Variants in CARMIL1 observed in about 807,000 individuals in gnomAD.
CARMIL1 encodes F-actin-uncapping protein LRRC16A.
Under a neutral mutation model 177.1 loss-of-function variants are expected in CARMIL1, and 90 were observed. The ratio of observed to expected loss-of-function variants is 0.51; its 90% CI spans 0.43 to 0.61. CARMIL1 has a LOEUF of 0.61. Ranked by LOEUF, CARMIL1 falls within the 20% of genes least tolerant of loss-of-function variation. CARMIL1 has a pLI of 0.00. For synonymous variants in CARMIL1, 577 were observed against 606.2 expected, an observed-to-expected ratio of 0.95 and a Z score of 0.71; for missense variants, 1,380 against 1,667.0, an observed-to-expected ratio of 0.83 and a Z score of 3.00.
intron 2 of CARMIL1, among the ~76,000 whole-genome samples, chr6:25,296,942 A>T (rs377307854): frequency 0.017 from 915 of 52,636 alleles, 14 homozygotes; most frequent in African/African-American, 0.056. Flanking sequence ...TCTTTAACTA[A>T]CTAACTAACT....
chr6:25,515,981 G>A lies in CARMIL1; in HGVS notation c.1805+134G>A. The A allele has an allele frequency of 1.2e-6, 1 of 844,932 alleles. No individual in the cohort carries two copies. Among genetic ancestry groups the A allele is most frequent in the East Asian group, 2.8e-5 (1 of 36,276 alleles). The allele number at this position is 844,932 out of a possible 1,614,324, so 52.3% of individuals were successfully genotyped here. Reference sequence around the variant, plus strand: ...CATCTTGAGGAGAAGAGGTGACAATGTCAAGATTTCTGTCAGAATAATGAG... The same window carrying A: ...CATCTTGAGGAGAAGAGGTGACAATATCAAGATTTCTGTCAGAATAATGAG... On this transcript the variant is annotated intron_variant, in intron 21 of 36. Transcript: ENST00000329474. This position sits in a 1 kb window ranked among gnomAD's most constrained non-coding sequence, Gnocchi z 5.0.
rs72830714 is a variant in CARMIL1 at position 25,344,708 on chromosome 6, C to T, written c.138+59799C>T. On this transcript the variant is annotated intron_variant, in intron 2 of 36. Coordinates refer to ENST00000329474, the MANE Select transcript of CARMIL1 (RefSeq NM_017640.6). ...GGTTGTTTCCTTTTTCACCAGAAAC[C>T]CCAGAAATAATCAGTAGAGACTGCC... 1.6e-3 allele frequency among the ~76,000 whole-genome samples: 244 copies of T among 152,142 alleles called. 1 individual carries two copies. The highest frequency in any genetic ancestry group is 2.4e-3 in the Non-Finnish European group (160 of 68,024).
chr6:25,561,013 GATTA>G (rs1419740376), intron 29 of CARMIL1, among the ~76,000 whole-genome samples: 1 of 152,150 alleles, frequency 6.6e-6, no homozygotes, highest in Non-Finnish European at 1.5e-5. Context: ...TGGTGACAAT[GATTA>G]ATTAGTTTTC....
intron 4 of CARMIL1, among the ~76,000 whole-genome samples, chr6:25,429,479 A>G (rs757630770): frequency 5.3e-5 from 8 of 152,180 alleles, no homozygotes; most frequent in African/African-American, 1.4e-4. Context: ...GAACTTGGCA[A>G]TTGTTCTGGT....
chr6:25,288,253 A>T (rs1781674141), intron 2 of CARMIL1, among the ~76,000 whole-genome samples: 1 of 152,224 alleles, frequency 6.6e-6, no homozygotes, highest in South Asian at 2.1e-4. Context: ...TTAGAGAAAC[A>T]TACTAAGGTA....
chr6:25,279,711 T>C lies in CARMIL1; in HGVS notation c.-85T>C. 1 of 1,346,250 alleles carries C rather than the reference T, an allele frequency of 7.4e-7. No homozygotes were observed. Among genetic ancestry groups the C allele is most frequent in the Non-Finnish European group, 1.1e-6 (1 of 936,180 alleles). The allele number at this position is 1,346,250 out of a possible 1,614,324, so 83.4% of individuals were successfully genotyped here. On this transcript the variant is annotated 5_prime_UTR_variant, in exon 1 of 37. Transcript: ENST00000329474. ...CATTTGCAAGCTGCATCTGCCTCTC[T>C]AAAAAAATTGAGGAGTTCGGGGAAG...
chr6:25,376,014 A>G (rs566969693), intron 2 of CARMIL1, among the ~76,000 whole-genome samples: 17 of 152,292 alleles, frequency 1.1e-4, no homozygotes, highest in African/African-American at 4.1e-4. Context: ...GTTTGGATCC[A>G]TTGCAGAAGA....
At chr6:25,455,369 C>T (rs920583696) in intron 8 of CARMIL1, among the ~76,000 whole-genome samples, 5 of 152,108 alleles carry the variant, frequency 3.3e-5, no homozygotes, top group Admixed American at 1.3e-4. Flanking sequence ...TGTAACAGTC[C>T]TTAAAACCAT....
At chr6:25,396,123 G>A (rs2150559965) in intron 2 of CARMIL1, among the ~76,000 whole-genome samples, 1 of 151,874 alleles carries the variant, frequency 6.6e-6, no homozygotes, top group African/African-American at 2.4e-5. Flanking sequence ...AGCACTACCT[G>A]GAGGGCTTGC....
At position 25,361,014 on chromosome 6, in the gene CARMIL1, G is replaced by A. The variant is rs935938157; in HGVS notation, c.139-59100G>A. 5.3e-5 allele frequency among the ~76,000 whole-genome samples: 8 copies of A among 152,038 alleles called. No homozygotes were observed. The East Asian group carries it at 1.5e-3, about 29-fold the overall frequency. On this transcript the variant is annotated intron_variant, in intron 2 of 36. Coordinates refer to ENST00000329474, the MANE Select transcript of CARMIL1 (RefSeq NM_017640.6). ...CCTAAAAATGCCTGAGTGTGCTTTG[G>A]GGGTGTGCTTGGTGAGTATGCTTTC...
In CARMIL1 at chr6:25,538,068, C is replaced by A. The variant is rs1808487318; in HGVS notation, c.2196+85C>A. 10 of 1,413,178 alleles carry A rather than the reference C, an allele frequency of 7.1e-6. No individual in the cohort carries two copies. The South Asian group carries it at 9.8e-5, about 14-fold the overall frequency. The allele number at this position is 1,413,178 out of a possible 1,614,324, so 87.5% of individuals were successfully genotyped here. On this transcript the variant is annotated intron_variant, in intron 25 of 36. Coordinates refer to ENST00000329474, the MANE Select transcript of CARMIL1 (RefSeq NM_017640.6). ...AGTTTTAGAAACCAGTTTCAACTTTCTCTCTCTACCCAATTCCAAGTTTAC... is the reference window on the plus strand; with the variant it reads ...AGTTTTAGAAACCAGTTTCAACTTTATCTCTCTACCCAATTCCAAGTTTAC...
intron 23 of CARMIL1, among the ~76,000 whole-genome samples, chr6:25,526,322 G>A (rs1177696940): frequency 2.6e-5 from 4 of 151,120 alleles, no homozygotes; most frequent in Admixed American, 2.0e-4. Context: ...CAGCCTGGGC[G>A]ACAGCACAAG....
At chr6:25,616,144 CTT>C (rs1316627774) in intron 36 of CARMIL1, among the ~76,000 whole-genome samples, 1 of 152,168 alleles carries the variant, frequency 6.6e-6, no homozygotes, top group African/African-American at 2.4e-5. Flanking sequence ...TTAACAAATA[CTT>C]GCATTGAAGA....
intron 23 of CARMIL1, among the ~76,000 whole-genome samples, chr6:25,521,935 AC>A (rs1288530540): frequency 6.6e-6 from 1 of 152,080 alleles, no homozygotes; most frequent in Non-Finnish European, 1.5e-5. Flanking sequence ...CTGAACCCTT[AC>A]CCCATAGGTA....
intron 27 of CARMIL1, among the ~76,000 whole-genome samples, chr6:25,551,502 C>G (rs1490971275): frequency 1.3e-5 from 2 of 152,122 alleles, no homozygotes; most frequent in Non-Finnish European, 2.9e-5. Flanking sequence ...TTGACCTTCC[C>G]ATATTTTCCT....
chr6:25,528,796 T>A lies in CARMIL1; in HGVS notation c.1970T>A (p.Ile657Lys). ...GGGATGCCTGTGCTTTATTTCCAGATAGAAAACTACCTGCTACGAAATCAC... is the reference window on the plus strand; with the variant it reads ...GGGATGCCTGTGCTTTATTTCCAGAAAGAAAACTACCTGCTACGAAATCAC... The part of the protein sequence containing the change: ...PEKTEDALQK[I>K]ENYLLRNHET... Residue 657 changes from isoleucine to lysine, a missense_variant and splice_region_variant, in exon 24 of 37, where the codon ATA (isoleucine) becomes AAA (lysine). Transcript: ENST00000329474. 6.3e-7 allele frequency: 1 copy of A among 1,598,046 alleles called. No homozygotes were observed. Among genetic ancestry groups the A allele is most frequent in the Non-Finnish European group, 8.5e-7 (1 of 1,171,006 alleles).
intron 8 of CARMIL1, among the ~76,000 whole-genome samples, chr6:25,464,102 G>GT (rs1189873607): frequency 6.6e-6 from 1 of 152,070 alleles, no homozygotes; most frequent in African/African-American, 2.4e-5. Context: ...GATTACAGGC[G>GT]TGAGCCACTG....
chr6:25,283,310 A>T (rs1781282608), intron 1 of CARMIL1, among the ~76,000 whole-genome samples: 1 of 152,114 alleles, frequency 6.6e-6, no homozygotes, highest in Non-Finnish European at 1.5e-5. Flanking sequence ...CACTGTGGTT[A>T]TGGAGGTGAC....
chr6:25,551,631 A>G (rs1810114527), intron 27 of CARMIL1, among the ~76,000 whole-genome samples: 1 of 152,208 alleles, frequency 6.6e-6, no homozygotes, highest in African/African-American at 2.4e-5. Flanking sequence ...AATATTTAGA[A>G]GCCGTGATTA....
Sources: gnomAD v4.1 joint callset for allele counts (sites outside exome capture counted in the v4.1 genomes callset) on GRCh38, gnomAD v4.1.1 for gene constraint, Gnocchi (gnomAD v3.1) non-coding constraint, MANE v1.5 for transcripts, NCBI Gene and HGNC (gene_info 2026-07-23, HGNC 2026-07-21) for gene names.